ANKRD12: variants seen among roughly 807,000 people sequenced by gnomAD.
ANKRD12 encodes the protein ankyrin repeat domain-containing protein 12.
ANKRD12 carries 85 observed loss-of-function variants against 183.4 expected under a neutral mutation model. The observed-to-expected ratio is 0.46, with a 90% CI of 0.39 to 0.56. ANKRD12 has a LOEUF of 0.56. ANKRD12 is among the 20% of genes least tolerant of loss of function. ANKRD12 has a pLI of 0.00. For missense variants in ANKRD12, 2,405 were observed against 2,357.1 expected (o/e 1.02, Z -0.42); for synonymous variants, 914 against 800.2 (o/e 1.14, Z -2.40).
At chr18:9,141,922 GTTTTTTGTTTGTTT>G (rs949688351) in intron 1 of ANKRD12, among the ~76,000 whole-genome samples, 2 of 152,074 alleles carry the variant, frequency 1.3e-5, no homozygotes, top group African/African-American at 2.4e-5. Flanking sequence ...TAAATAGTGG[GTTTTTTGTTTGTTT>G]GTTTTTGTTT....
At chr18:9,233,816 G>A (rs1321052475) in intron 8 of ANKRD12, among the ~76,000 whole-genome samples, 1 of 152,204 alleles carries the variant, frequency 6.6e-6, no homozygotes, top group Non-Finnish European at 1.5e-5. Flanking sequence ...GTGGTGGGCT[G>A]AACATGCCTT....
intron 8 of ANKRD12, among the ~76,000 whole-genome samples, chr18:9,243,922 G>C (rs2037801995): frequency 6.6e-6 from 1 of 152,182 alleles, no homozygotes; most frequent in African/African-American, 2.4e-5. Context: ...GATCACCTGA[G>C]GTCAGGAGTT....
intron 6 of ANKRD12, among the ~76,000 whole-genome samples, chr18:9,212,580 CTATA>C (rs760794449): frequency 8.6e-5 from 13 of 151,656 alleles, no homozygotes; most frequent in Non-Finnish European, 1.6e-4. Context: ...TAGTAAATAC[CTATA>C]TAGAAACATC....
At chr18:9,170,073 G>A (rs374830926) in intron 1 of ANKRD12, among the ~76,000 whole-genome samples, 24 of 152,308 alleles carry the variant, frequency 1.6e-4, no homozygotes, top group African/African-American at 2.6e-4. Context: ...AGTTTCTGCC[G>A]AGAGATCAGC....
intron 1 of ANKRD12, among the ~76,000 whole-genome samples, chr18:9,150,291 TA>T (rs2078643708): frequency 6.6e-6 from 1 of 152,214 alleles, no homozygotes; most frequent in African/African-American, 2.4e-5. Flanking sequence ...TCGTTTCGTC[TA>T]CCACTGTCTG....
intron 8 of ANKRD12, among the ~76,000 whole-genome samples, chr18:9,238,822 AAGAGAGTAATATTTTAAGGCTGGGTGC>A (rs1567952038): frequency 6.6e-6 from 1 of 151,776 alleles, no homozygotes; most frequent in African/African-American, 2.4e-5. Context: ...TTCGGTGAGA[AAGAGAGTAATATTTTAAGGCTGGGTGC>A]AGTGGCTCAC....
At chr18:9,185,113 C>A (rs2033958119) in intron 2 of ANKRD12, among the ~76,000 whole-genome samples, 1 of 152,130 alleles carries the variant, frequency 6.6e-6, no homozygotes, top group Non-Finnish European at 1.5e-5. Flanking sequence ...AAAGAAACAG[C>A]AAATGAAAAA....
chr18:9,164,363 G>A (rs181923318), intron 1 of ANKRD12, among the ~76,000 whole-genome samples: 1 of 151,898 alleles, frequency 6.6e-6, no homozygotes, highest in Non-Finnish European at 1.5e-5. Context: ...CATGCCAGGG[G>A]TGAAACCAAC....
Position 9,258,363 on chromosome 18 carries a change from C to T in ANKRD12, c.5096C>T (p.Ser1699Leu). The change falls in exon 9 of 13, where the codon TCA becomes TTA. Residue 1699 changes from serine to leucine, a missense_variant. Physicochemically the swap from Ser to Leu is moderately radical, Grantham distance 145. Around this residue, in one of 7 missense-constraint regions of ANKRD12, gnomAD observed 1,983 missense variants for 1,725.9 expected, o/e 1.15. Transcript: ENST00000262126. ...ATTTTATCAAGTCTGGAAAACCATT[C>T]ACAGCAGTCAACTCAACCAGAAATG... The part of the protein sequence containing the change: ...QSILSSLENH[S>L]QQSTQPEMHK... 1 of 1,613,680 alleles carries T rather than the reference C, an allele frequency of 6.2e-7. No individual in the cohort carries two copies. The highest frequency in any genetic ancestry group is 2.2e-5 in the East Asian group (1 of 44,842).
At chr18:9,234,345 C>T (rs865927872) in intron 8 of ANKRD12, among the ~76,000 whole-genome samples, 4 of 152,056 alleles carry the variant, frequency 2.6e-5, no homozygotes, top group East Asian at 1.9e-4. Context: ...GGCGGGGCGA[C>T]GGGGGATCTC....
intron 10 of ANKRD12, among the ~76,000 whole-genome samples, chr18:9,268,146 A>AG (rs1172897773): frequency 6.6e-6 from 1 of 152,170 alleles, no homozygotes; most frequent in African/African-American, 2.4e-5. Context: ...AACGAAAAAA[A>AG]GTCCAGGACC....
At chr18:9,188,573 C>T (rs1326182506) in intron 2 of ANKRD12, among the ~76,000 whole-genome samples, 1 of 152,214 alleles carries the variant, frequency 6.6e-6, no homozygotes, top group Non-Finnish European at 1.5e-5. Flanking sequence ...CATTTTATTG[C>T]ACTTCACTTT....
At chr18:9,211,852 A>G in intron 6 of ANKRD12, 68 bp downstream of exon 6, 2 of 1,296,434 alleles carry the variant, frequency 1.5e-6, no homozygotes, top group Non-Finnish European at 2.2e-6. Flanking sequence ...TTACAATTTA[A>G]TCTACATTCT....
At chr18:9,160,595 GT>G (rs1035266039) in intron 1 of ANKRD12, among the ~76,000 whole-genome samples, 1 of 152,106 alleles carries the variant, frequency 6.6e-6, no homozygotes, top group Non-Finnish European at 1.5e-5. Flanking sequence ...TCTAAAAAGT[GT>G]TTTTTTATCA....
chr18:9,257,105 A>G lies in ANKRD12; in HGVS notation c.3838A>G (p.Arg1280Gly). 1.2e-6 allele frequency: 2 copies of G among 1,614,160 alleles called. No homozygotes were observed. The highest frequency in any genetic ancestry group is 1.7e-6 in the Non-Finnish European group (2 of 1,180,008). The change falls in exon 9 of 13, where the codon AGA becomes GGA. Residue 1280 changes from arginine (R) to glycine (G), a missense_variant. Physicochemically the swap from Arg to Gly is moderately radical, Grantham distance 125. Transcript: ENST00000262126. ...PERIKPPYANRLSTSHLRSSS... is the reference protein window; with the variant it reads ...PERIKPPYANGLSTSHLRSSS... Reference sequence around the variant, plus strand: ...GCGGATTAAACCACCATATGCAAACAGACTTTCAACATCCCATCTTAGGTC... The same window carrying G: ...GCGGATTAAACCACCATATGCAAACGGACTTTCAACATCCCATCTTAGGTC...
At chr18:9,250,295 G>A (rs2038212064) in intron 8 of ANKRD12, 1 of 152,214 alleles carries the variant, frequency 6.6e-6, no homozygotes, top group African/African-American at 2.4e-5. Context: ...TTATCCTACA[G>A]TGGGGAGCCC....
chr18:9,216,503 G>T (rs1191946303), intron 6 of ANKRD12, among the ~76,000 whole-genome samples: 1 of 152,214 alleles, frequency 6.6e-6, no homozygotes, highest in African/African-American at 2.4e-5. Flanking sequence ...AAAGTTATAT[G>T]TGGATTTTTG....
rs116236183 is a variant in ANKRD12 at position 9,255,886 on chromosome 18, A to G, written c.2619A>G (p.Leu873=). 8.9e-3 allele frequency: 14,127 copies of G among 1,596,258 alleles called. 92 individuals are homozygous for G. The highest frequency in any genetic ancestry group is 0.025 in the Middle Eastern group (150 of 5,966). The part of the protein sequence containing the change: ...CVDKIKEKDK[L]YSHHTEKCHK... ...ATAAAATAAAAGAAAAGGACAAGCT[A>G]TATTCGCATCACACAGAAAAATGCC... Residue 873 remains leucine, a synonymous_variant, in exon 9 of 13, where the codon CTA becomes CTG. Transcript: ENST00000262126.
At chr18:9,182,356 A>G (rs1161273587) in intron 1 of ANKRD12, 26 bp from the exon 2 acceptor site, 2 of 573,158 alleles carry the variant, frequency 3.5e-6, no homozygotes, top group African/African-American at 5.2e-5. Context: ...ATATTCAAAT[A>G]ACCCTTATAT....
Sources: gnomAD v4.1 joint callset for allele counts (sites outside exome capture counted in the v4.1 genomes callset) on GRCh38, gnomAD v4.1.1 for gene constraint, gnomAD v4.1.1 regional missense constraint, MANE v1.5 for transcripts, NCBI Gene and HGNC (gene_info 2026-07-23, HGNC 2026-07-21) for gene names.